Variants in TBC1D22A observed in about 807,000 individuals in gnomAD.
TBC1D22A encodes putative GTPase activator.
In TBC1D22A, 38 loss-of-function variants were observed where a neutral mutation model predicts 60.2. The ratio of observed to expected loss-of-function variants is 0.63; its 90% CI spans 0.49 to 0.83. TBC1D22A has a LOEUF of 0.83. TBC1D22A is among the 40% of genes least tolerant of loss of function. The pLI is 0.00. For synonymous variants in TBC1D22A, 302 were observed against 281.7 expected, an observed-to-expected ratio of 1.07 and a Z score of -0.72; for missense variants, 628 against 701.0, an observed-to-expected ratio of 0.90 and a Z score of 1.18.
At chr22:46,818,925 G>T (rs1359223075) in intron 4 of TBC1D22A, among the ~76,000 whole-genome samples, 1 of 152,110 alleles carries the variant, frequency 6.6e-6, no homozygotes, top group African/African-American at 2.4e-5. Flanking sequence ...GTGGTTTGTA[G>T]TTCTCCTTGA....
intron 12 of TBC1D22A, among the ~76,000 whole-genome samples, chr22:47,140,729 C>T (rs532456264): frequency 1.2e-3 from 185 of 152,336 alleles, no homozygotes; most frequent in Non-Finnish European, 2.1e-3. Context: ...CTGGCCCTGG[C>T]GGCTTGGGCC....
At chr22:47,151,303 C>T (rs938502767) in intron 12 of TBC1D22A, among the ~76,000 whole-genome samples, 3 of 152,200 alleles carry the variant, frequency 2.0e-5, no homozygotes, top group East Asian at 1.9e-4. Context: ...AGCGGCTTCC[C>T]GGCGCACTCA....
At chr22:46,968,579 C>T (rs953435406) in intron 8 of TBC1D22A, among the ~76,000 whole-genome samples, 10 of 150,342 alleles carry the variant, frequency 6.7e-5, no homozygotes, top group Admixed American at 1.3e-4. Flanking sequence ...ACTGCGTGGC[C>T]GGCGGTCCTG....
chr22:47,149,728 C>G (rs772267854), intron 12 of TBC1D22A, among the ~76,000 whole-genome samples: 1 of 152,176 alleles, frequency 6.6e-6, no homozygotes, highest in Non-Finnish European at 1.5e-5. Context: ...GCACTGGGGC[C>G]GAGATGGCTG....
At chr22:46,963,907 C>T (rs965694554) in intron 8 of TBC1D22A, among the ~76,000 whole-genome samples, 5 of 151,848 alleles carry the variant, frequency 3.3e-5, no homozygotes, top group African/African-American at 9.7e-5. Flanking sequence ...CTCTCGGGAG[C>T]TGGCTGGCCA....
At chr22:47,165,152 G>A (rs978282603) in intron 12 of TBC1D22A, among the ~76,000 whole-genome samples, 3 of 152,058 alleles carry the variant, frequency 2.0e-5, no homozygotes, top group Admixed American at 6.5e-5. Flanking sequence ...TGTGGCCGTC[G>A]TCCCCTGTGA....
At chr22:46,885,786 A>G (rs933709822) in intron 5 of TBC1D22A, among the ~76,000 whole-genome samples, 1 of 152,186 alleles carries the variant, frequency 6.6e-6, no homozygotes, top group African/African-American at 2.4e-5. Context: ...TCCCAGTGAA[A>G]GAGGCCTGAT....
Position 47,173,943 on chromosome 22 carries a change from C to T in TBC1D22A, c.*317C>T, listed in dbSNP as rs989264453. 6.1e-5 allele frequency: 17 copies of T among 277,198 alleles called. 1 individual carries two copies. The highest frequency in any genetic ancestry group is 1.9e-4 in the Admixed American group (4 of 20,776). 17.2% of individuals were successfully genotyped at this position (277,198 alleles called of 1,614,324 possible). Reference sequence around the variant, plus strand: ...TGACTGCCTCGTGCTGCCCCTAGTCCGGGGCAGCCTAGGAGGCCGACCCTC... The same window carrying T: ...TGACTGCCTCGTGCTGCCCCTAGTCTGGGGCAGCCTAGGAGGCCGACCCTC... On this transcript the variant is annotated 3_prime_UTR_variant, in exon 13 of 13. Transcript: ENST00000337137.
At chr22:47,109,345 A>C (rs1427491105) in intron 11 of TBC1D22A, among the ~76,000 whole-genome samples, 2 of 152,200 alleles carry the variant, frequency 1.3e-5, no homozygotes, top group African/African-American at 4.8e-5. Flanking sequence ...GACAAAAAAA[A>C]CCAGTCAGGA....
At chr22:46,866,989 AGGGAGGCT>A (rs909362390) in intron 4 of TBC1D22A, among the ~76,000 whole-genome samples, 4 of 152,206 alleles carry the variant, frequency 2.6e-5, no homozygotes, top group Non-Finnish European at 5.9e-5. Flanking sequence ...GGCTCATTGC[AGGGAGGCT>A]GGACTGGATG....
intron 4 of TBC1D22A, among the ~76,000 whole-genome samples, chr22:46,858,633 T>C (rs2087697435): frequency 6.6e-6 from 1 of 152,226 alleles, no homozygotes; most frequent in Non-Finnish European, 1.5e-5. Flanking sequence ...GAGACATCTC[T>C]CCTGCAGAAG....
chr22:46,767,819 G>A (rs981526246), intron 1 of TBC1D22A, among the ~76,000 whole-genome samples: 2 of 152,092 alleles, frequency 1.3e-5, no homozygotes, highest in Non-Finnish European at 2.9e-5. Context: ...AGCGATGCTG[G>A]CGTGCTTGAG....
chr22:46,812,419 G>T (rs746674374), intron 4 of TBC1D22A, among the ~76,000 whole-genome samples: 32 of 152,204 alleles, frequency 2.1e-4, no homozygotes, highest in Non-Finnish European at 3.7e-4. Flanking sequence ...GAATCATGGG[G>T]ATCACAGTGG....
chr22:46,931,713 A>G (rs1211332187), intron 8 of TBC1D22A, among the ~76,000 whole-genome samples: 1 of 152,190 alleles, frequency 6.6e-6, no homozygotes, highest in Non-Finnish European at 1.5e-5. Context: ...TTAAAGTTTC[A>G]GAAATTTCAT....
At chr22:47,060,967 C>A (rs1336208364) in intron 11 of TBC1D22A, among the ~76,000 whole-genome samples, 2 of 152,228 alleles carry the variant, frequency 1.3e-5, no homozygotes, top group South Asian at 2.1e-4. Context: ...ATATTTGCAG[C>A]CCCTGGAATG....
At chr22:47,095,075 C>T (rs1047369249) in intron 11 of TBC1D22A, among the ~76,000 whole-genome samples, 5 of 152,208 alleles carry the variant, frequency 3.3e-5, no homozygotes, top group African/African-American at 7.2e-5. Context: ...TTACTACAGC[C>T]CATGCCGTAA....
At chr22:46,919,781 A>G (rs1185681060) in intron 8 of TBC1D22A, among the ~76,000 whole-genome samples, 2 of 146,982 alleles carry the variant, frequency 1.4e-5, no homozygotes, top group Non-Finnish European at 3.0e-5. Context: ...ATTTAAAGAG[A>G]TTGAGTTCTG....
At chr22:46,790,898 C>G (rs906640799) in intron 1 of TBC1D22A, among the ~76,000 whole-genome samples, 1 of 152,166 alleles carries the variant, frequency 6.6e-6, no homozygotes, top group African/African-American at 2.4e-5. Flanking sequence ...CTCCAAATAT[C>G]TTTATTACTT....
chr22:47,058,415 C>T (rs1315895978), intron 11 of TBC1D22A, among the ~76,000 whole-genome samples: 12 of 152,160 alleles, frequency 7.9e-5, no homozygotes, highest in East Asian at 3.9e-4. Context: ...CCTGCGAGAA[C>T]GAGTTCAGCC....
Sources: gnomAD v4.1 joint callset for allele counts (sites outside exome capture counted in the v4.1 genomes callset) on GRCh38, gnomAD v4.1.1 for gene constraint, MANE v1.5 for transcripts, NCBI Gene and HGNC (gene_info 2026-07-23, HGNC 2026-07-21) for gene names.